NECAB2: variants seen among roughly 807,000 people sequenced by gnomAD.
The protein encoded by NECAB2 is N-terminal EF-hand calcium-binding protein 2.
A neutral mutation model predicts 51.9 loss-of-function variants in NECAB2; 68 were observed. The observed-to-expected ratio is 1.31, with a 90% CI of 1.08 to 1.60. The LOEUF is 1.60. NECAB2 is among the 40% of genes most tolerant of loss of function. The pLI is 0.00. For missense variants in NECAB2, 854 were observed against 490.3 expected, an observed-to-expected ratio of 1.74 and a Z score of -7.00; for synonymous variants, 329 against 203.5, an observed-to-expected ratio of 1.62 and a Z score of -5.25.
intron 9 of NECAB2, among the ~76,000 whole-genome samples, 178 bp downstream of exon 9, chr16:83,997,447 A>C (rs1208457662): frequency 7.6e-6 from 1 of 132,012 alleles, no homozygotes; most frequent in African/African-American, 2.9e-5. Context: ...CACCCCACCA[A>C]CTCCGGGGGT....
At chr16:83,995,949 C>T (rs546988058) in intron 8 of NECAB2, among the ~76,000 whole-genome samples, 192 of 152,324 alleles carry the variant, frequency 1.3e-3, no homozygotes, top group African/African-American at 4.3e-3. Flanking sequence ...AGAGCACCGT[C>T]GCCCTAACAA....
At chr16:83,975,414 C>G (rs1296903884) in intron 2 of NECAB2, among the ~76,000 whole-genome samples, 1 of 152,004 alleles carries the variant, frequency 6.6e-6, no homozygotes, top group Non-Finnish European at 1.5e-5. Context: ...CAAGCACACA[C>G]AGGACTGCTC....
intron 2 of NECAB2, among the ~76,000 whole-genome samples, chr16:83,974,520 G>C (rs111424076): frequency 1.1e-3 from 165 of 152,288 alleles, no homozygotes; most frequent in African/African-American, 3.7e-3. Flanking sequence ...GAGGCTGCCA[G>C]CAGTCACTGA....
chr16:83,997,379 C>A, intron 9 of NECAB2, 110 bp downstream of exon 9: 1 of 1,396,664 alleles, frequency 7.2e-7, no homozygotes. Flanking sequence ...CTTGGGACCA[C>A]CAGGAGGGGA....
At chr16:83,966,798 C>T (rs57130434), upstream of NECAB2, among the ~76,000 whole-genome samples, 13,878 of 152,242 alleles carry the variant, frequency 0.091, 2,067 homozygotes, top group African/African-American at 0.31. Context: ...GAAGCCTCTT[C>T]TGACACAAAC....
chr16:83,993,368 G>T (rs1335174498), intron 6 of NECAB2: 1 of 152,338 alleles, frequency 6.6e-6, no homozygotes, highest in Non-Finnish European at 1.5e-5. Context: ...TGCTCCCTCC[G>T]CAAGGGGGAG....
At chr16:83,999,228 G>A (rs550878228) in intron 10 of NECAB2, among the ~76,000 whole-genome samples, 2 of 152,142 alleles carry the variant, frequency 1.3e-5, no homozygotes, top group South Asian at 4.1e-4. Context: ...CCGAGACTCG[G>A]CGTGGCCACG....
chr16:83,993,638 G>GTC (rs2084654832), intron 6 of NECAB2: 1 of 154,688 alleles, frequency 6.5e-6, no homozygotes, highest in Non-Finnish European at 1.4e-5. Context: ...GTGTGTGTGT[G>GTC]TGTGTGTGTG....
At chr16:84,001,312 G>C (rs1377456172) in intron 11 of NECAB2, among the ~76,000 whole-genome samples, 3 of 151,922 alleles carry the variant, frequency 2.0e-5, no homozygotes, top group Non-Finnish European at 4.4e-5. Context: ...TGATGCGCCA[G>C]ACCCCACAGG....
chr16:83,992,340 C>T (rs1478165465), intron 6 of NECAB2, among the ~76,000 whole-genome samples: 1 of 151,322 alleles, frequency 6.6e-6, no homozygotes, highest in Non-Finnish European at 1.5e-5. Flanking sequence ...ATTCTCGTGG[C>T]TCAGCAGTCC....
intron 6 of NECAB2, chr16:83,993,523 G>C (rs998280296): frequency 1.3e-5 from 2 of 154,320 alleles, no homozygotes; most frequent in South Asian, 2.0e-4. Flanking sequence ...CTGTATGTCT[G>C]CCAGGAGCTT....
intron 2 of NECAB2, among the ~76,000 whole-genome samples, chr16:83,974,579 A>G (rs1345200007): frequency 6.6e-6 from 1 of 152,150 alleles, no homozygotes; most frequent in Non-Finnish European, 1.5e-5. Context: ...TTTAATCTTC[A>G]TTGTGATCCT....
In NECAB2 at chr16:83,994,642, C is replaced by A. The variant is rs761881459; in HGVS notation, c.749C>A (p.Ala250Asp). Residue 250 changes from alanine (A) to aspartate (D), a missense_variant, in exon 8 of 13, where the codon GCC becomes GAC. By Grantham distance (126) the Ala-to-Asp change is moderately radical (BLOSUM62 -2). Transcript: ENST00000305202. ...TEDAKEEGLE[A>D]QISRLAELIG... is the part of the protein sequence containing the mutation. The stretch of plus-strand genomic sequence containing the variant: ...GATGCAAAGGAAGAGGGTCTGGAAG[C>A]CCAGATCAGCCGCTTGGCAGAGCTG... The A allele has an allele frequency of 1.9e-6, 3 of 1,613,996 alleles. No homozygotes were observed. The highest frequency in any genetic ancestry group is 2.7e-5 in the African/African-American group (2 of 74,934).
intron 6 of NECAB2, 127 bp downstream of exon 6, chr16:83,990,757 C>A: frequency 8.2e-7 from 1 of 1,225,718 alleles, no homozygotes. Context: ...TGCCACAGCT[C>A]TTTGTGCCTT....
chr16:83,966,367 G>A (rs780546748), upstream of NECAB2: 4 of 285,630 alleles, frequency 1.4e-5, no homozygotes, highest in Non-Finnish European at 2.6e-5. Flanking sequence ...CTCGGAGGGA[G>A]CTGCGTTCCC....
At chr16:83,986,256 T>A (rs1282029072) in intron 5 of NECAB2, among the ~76,000 whole-genome samples, 3 of 152,082 alleles carry the variant, frequency 2.0e-5, no homozygotes, top group African/African-American at 7.2e-5. Context: ...ACGTCAGGTG[T>A]TCCACCCGCC....
Position 83,998,278 on chromosome 16 carries a change from A to T in NECAB2, c.923A>T (p.Gln308Leu). 10 of 1,613,458 alleles carry T rather than the reference A, an allele frequency of 6.2e-6. No individual in the cohort carries two copies. The highest frequency in any genetic ancestry group is 7.6e-6 in the Non-Finnish European group (9 of 1,179,986). ...AGCGAGTTTCTGGACTCTCTGCGCC[A>T]GTATCTGCGGGGGACCACTGGCGTG... ...QLSEFLDSLRQYLRGTTGVRN... is the reference protein window; with the variant it reads ...QLSEFLDSLRLYLRGTTGVRN... Residue 308 changes from glutamine (Q) to leucine (L), a missense_variant, in exon 10 of 13, where the codon CAG becomes CTG. Transcript: ENST00000305202.
At position 84,002,638 on chromosome 16, in the gene NECAB2, A is replaced by G. The variant is rs191680397; in HGVS notation, c.*292A>G. On this transcript the variant is annotated 3_prime_UTR_variant, in exon 13 of 13. Coordinates refer to ENST00000305202, the MANE Select transcript of NECAB2 (RefSeq NM_019065.3). ...CCTCTCCCCTACCCCTCACATGGCC[A>G]CGCATGACCCACACTGACCACACCC... is the stretch of plus-strand genomic sequence containing the variant. The G allele has an allele frequency of 3.3e-4, 175 of 530,562 alleles. No individual in the cohort carries two copies. The East Asian group carries it at 5.5e-3, about 17-fold the overall frequency. The allele number at this position is 530,562 out of a possible 1,614,324, so 32.9% of individuals were successfully genotyped here.
intron 11 of NECAB2, 72 bp from the exon 12 acceptor site, chr16:84,001,753 G>T (rs113713990): frequency 7.1e-6 from 11 of 1,539,262 alleles, no homozygotes; most frequent in Non-Finnish European, 9.9e-6. Context: ...GCTAGAGCTA[G>T]GATTAACAGG....
Sources: gnomAD v4.1 joint callset for allele counts (sites outside exome capture counted in the v4.1 genomes callset) on GRCh38, gnomAD v4.1.1 for gene constraint, MANE v1.5 for transcripts, NCBI Gene and HGNC (gene_info 2026-07-23, HGNC 2026-07-21) for gene names.